Variants in HCN4 observed in about 807,000 individuals in gnomAD.
HCN4 encodes the protein hyperpolarization activated cyclic nucleotide gated potassium channel 4, also known as potassium/sodium hyperpolarization-activated cyclic nucleotide-gated channel 4.
In HCN4, 29 loss-of-function variants were observed where a neutral mutation model predicts 76.9. The ratio of observed to expected loss-of-function variants is 0.38; its 90% CI spans 0.28 to 0.51. HCN4 has a LOEUF of 0.51. Ranked by LOEUF, HCN4 falls within the 20% of genes least tolerant of loss-of-function variation. The pLI, the probability that HCN4 is intolerant of heterozygous loss-of-function variation, is 0.90. For missense variants in HCN4, 1,416 were observed against 1,715.2 expected (o/e 0.83, Z 3.08); for synonymous variants, 772 against 762.5 (o/e 1.01, Z -0.21).
Position 73,325,244 on chromosome 15 carries a change from C to T in HCN4, c.1738-49G>A. On this transcript the variant is annotated intron_variant, in intron 5 of 7. Coordinates refer to ENST00000261917, the MANE Select transcript of HCN4 (RefSeq NM_005477.3). The surrounding 1 kb of genome is among the most constrained non-coding windows in gnomAD (Gnocchi z 7.4). ...CACGGGAAGGAGGTGGTGAGGGGAGCTGGCTGCCAGGAAGGCCTGGCTCCC... is the reference window on the plus strand; with the variant it reads ...CACGGGAAGGAGGTGGTGAGGGGAGTTGGCTGCCAGGAAGGCCTGGCTCCC... 1 of 1,614,136 alleles carries T rather than the reference C, an allele frequency of 6.2e-7. No homozygotes were observed. Among genetic ancestry groups the T allele is most frequent in the African/African-American group, 1.3e-5 (1 of 75,058 alleles).
chr15:73,341,801 A>C (rs1001245198), intron 2 of HCN4, among the ~76,000 whole-genome samples: 1 of 152,196 alleles, frequency 6.6e-6, no homozygotes, highest in Non-Finnish European at 1.5e-5. Context: ...TCTGCCATGG[A>C]GGGACGCTGC....
intron 3 of HCN4, among the ~76,000 whole-genome samples, chr15:73,331,403 G>A (rs1003315628): frequency 6.6e-6 from 1 of 152,214 alleles, no homozygotes; most frequent in African/African-American, 2.4e-5. Flanking sequence ...CATATGACCT[G>A]GGAGTCTGCG....
chr15:73,367,759 G>T lies in HCN4; in HGVS notation c.512C>A (p.Pro171Gln), dbSNP rs1339319886. ...PAASPPPPQQPPQPASASCEQ... is the reference protein window; with the variant it reads ...PAASPPPPQQQPQPASASCEQ... ...GCAGGAGGCGGAGGCCGGCTGCGGT[G>T]GCTGCTGGGGCGGCGGCGGCGAGGC... is the stretch of plus-strand genomic sequence containing the variant. Residue 171 changes from proline to glutamine, a missense_variant, in exon 1 of 8, where the codon CCA becomes CAA. Pro to Gln is a moderately conservative substitution (Grantham distance 76, BLOSUM62 -1). Around this residue, in one of 6 missense-constraint regions of HCN4, gnomAD observed 355 missense variants for 347.8 expected, o/e 1.02. Coordinates refer to ENST00000261917, the MANE Select transcript of HCN4 (RefSeq NM_005477.3). This position sits in a 1 kb window ranked among gnomAD's most constrained non-coding sequence, Gnocchi z 7.5. 1.3e-6 allele frequency: 2 copies of T among 1,530,844 alleles called. No homozygotes were observed. The highest frequency in any genetic ancestry group is 2.5e-5 in the East Asian group (1 of 40,150). 94.8% of individuals were successfully genotyped at this position (1,530,844 alleles called of 1,614,324 possible).
chr15:73,350,466 T>C (rs1303095771), intron 1 of HCN4, among the ~76,000 whole-genome samples: 1 of 152,194 alleles, frequency 6.6e-6, no homozygotes, highest in Non-Finnish European at 1.5e-5. Flanking sequence ...CTCTGTCCCC[T>C]GATCCTTCCA....
intron 2 of HCN4, among the ~76,000 whole-genome samples, chr15:73,338,658 G>A (rs750921516): frequency 1.3e-5 from 2 of 152,188 alleles, no homozygotes; most frequent in Non-Finnish European, 2.9e-5. Flanking sequence ...GAAATTGGAG[G>A]TCTGGCTGCT....
chr15:73,323,072 CACAAGGG>C lies in HCN4; in HGVS notation c.3014_3020del (p.Ser1005TrpfsTer11), dbSNP rs2042872758. ...GGGAAGCCCCCCCAGAGGCCCCTGC[CACAAGGG>C]ACGGCGGCTCAGGCTGCCGTGGGGG... On this transcript the variant is annotated frameshift_variant, in exon 8 of 8. Coordinates refer to ENST00000261917, the MANE Select transcript of HCN4 (RefSeq NM_005477.3). LOFTEE classifies it high-confidence loss of function. The C allele has an allele frequency of 6.4e-7, 1 of 1,558,982 alleles. No individual in the cohort carries two copies. The highest frequency in any genetic ancestry group is 8.6e-7 in the Non-Finnish European group (1 of 1,156,906).
chr15:73,330,151 C>A (rs1004487413), intron 3 of HCN4, among the ~76,000 whole-genome samples: 1 of 152,228 alleles, frequency 6.6e-6, no homozygotes, highest in African/African-American at 2.4e-5. Flanking sequence ...GCTCCACCCC[C>A]CAACCCCCTA....
chr15:73,333,473 T>C (rs910661666), intron 2 of HCN4, among the ~76,000 whole-genome samples: 1 of 152,304 alleles, frequency 6.6e-6, no homozygotes, highest in East Asian at 1.9e-4. Context: ...AGCCTAGATA[T>C]GTCAGCCCCT....
chr15:73,358,183 T>TG (rs1367150720), intron 1 of HCN4, among the ~76,000 whole-genome samples: 1 of 152,092 alleles, frequency 6.6e-6, no homozygotes, highest in Non-Finnish European at 1.5e-5. Flanking sequence ...CCCAGGGCTC[T>TG]GGGGCGGGCC....
In HCN4 at chr15:73,322,802, C is replaced by T; in HGVS notation, c.3291G>A (p.Gly1097=). The T allele has an allele frequency of 6.5e-7, 1 of 1,542,108 alleles. No individual in the cohort carries two copies. The highest frequency in any genetic ancestry group is 1.3e-5 in the South Asian group (1 of 79,748). The change falls in exon 8 of 8, where the codon GGG becomes GGA. Residue 1097 remains glycine, a synonymous_variant. Transcript: ENST00000261917. ...GGGAGGCTCTGCGGAGAGTCTGCGC[C>T]CCGTCCTGAGGCAGGGCTGGCTGAG... ...SASQPALPQD[G]AQTLRRASPH...
Position 73,321,462 on chromosome 15 carries a change from G to C in HCN4, c.*1019C>G, listed in dbSNP as rs967314673. On this transcript the variant is annotated 3_prime_UTR_variant, in exon 8 of 8. Coordinates refer to ENST00000261917, the MANE Select transcript of HCN4 (RefSeq NM_005477.3). ...GGAGAATCAAAGTACCCACCCCATG[G>C]TCTTTGTGAAACTGAAGGAGTTAAT... is the stretch of plus-strand genomic sequence containing the variant. 6.6e-6 allele frequency: 1 copy of C among 152,396 alleles called. No individual in the cohort carries two copies. The highest frequency in any genetic ancestry group is 1.5e-5 in the Non-Finnish European group (1 of 68,050). The allele number at this position is 152,396 out of a possible 1,614,324, so 9.4% of individuals were successfully genotyped here.
In HCN4 at chr15:73,367,838, G is replaced by C. The variant is rs886043525; in HGVS notation, c.433C>G (p.Pro145Ala). 1.3e-5 allele frequency: 16 copies of C among 1,260,542 alleles called. No homozygotes were observed. The Middle Eastern group carries it at 1.8e-3, about 144-fold the overall frequency. The allele number at this position is 1,260,542 out of a possible 1,614,324, so 78.1% of individuals were successfully genotyped here. Residue 145 changes from proline to alanine, a missense_variant, in exon 1 of 8, where the codon CCC (proline) becomes GCC (alanine). Transcript: ENST00000261917. This position sits in a 1 kb window ranked among gnomAD's most constrained non-coding sequence, Gnocchi z 7.5. ...GDASPGEDRTPPGLAAEPERP... is the reference protein window; with the variant it reads ...GDASPGEDRTAPGLAAEPERP... The stretch of plus-strand genomic sequence containing the variant: ...TCGGGCTCGGCCGCCAGGCCTGGGG[G>C]CGTCCTGTCCTCGCCGGGGGACGCG...
chr15:73,330,148 C>A (rs965583407), intron 3 of HCN4, among the ~76,000 whole-genome samples: 2 of 152,340 alleles, frequency 1.3e-5, no homozygotes, highest in African/African-American at 2.4e-5. Flanking sequence ...ACAGCTCCAC[C>A]CCCCAACCCC....
chr15:73,324,061 T>C, intron 7 of HCN4, 28 bp downstream of exon 7: 5 of 1,234,282 alleles, frequency 4.1e-6, no homozygotes. Flanking sequence ...ACCCCCCACC[T>C]GCCCCGCCTG....
Position 73,340,771 on chromosome 15 carries a change from C to T in HCN4, c.1209+2614G>A, listed in dbSNP as rs144718235. Among the ~76,000 whole-genome samples the T allele has an allele frequency of 4.2e-3, 633 of 152,328 alleles. 2 individuals carry two copies. Among genetic ancestry groups the T allele is most frequent in the Non-Finnish European group, 6.7e-3 (458 of 68,032 alleles). On this transcript the variant is annotated intron_variant, in intron 2 of 7. Coordinates refer to ENST00000261917, the MANE Select transcript of HCN4 (RefSeq NM_005477.3). Reference sequence around the variant, plus strand: ...ACCCAGGCCAGCACAGGTGGGTGCCCGGCAAGCACTTGCTGGACTGAATGA... The same window carrying T: ...ACCCAGGCCAGCACAGGTGGGTGCCTGGCAAGCACTTGCTGGACTGAATGA...
Position 73,323,832 on chromosome 15 carries a change from T to C in HCN4, c.2261A>G (p.His754Arg), listed in dbSNP as rs762856084. The change falls in exon 8 of 8, where the codon CAC (histidine) becomes CGC (arginine). Residue 754 changes from histidine (H) to arginine (R), a missense_variant. Around this residue, in one of 6 missense-constraint regions of HCN4, gnomAD observed 241 missense variants for 379.4 expected, o/e 0.64. Coordinates refer to ENST00000261917, the MANE Select transcript of HCN4 (RefSeq NM_005477.3). ...AGCAGCCTGGACGCGGTGCGCGCAG[T>C]GGGCCATCTCCCGGTCATGCTGCAC... ...QIVQHDREMA[H>R]CAHRVQAAAS... 1.2e-6 allele frequency: 2 copies of C among 1,606,032 alleles called. No individual in the cohort carries two copies. The highest frequency in any genetic ancestry group is 1.1e-5 in the South Asian group (1 of 91,088).
chr15:73,344,528 A>G (rs1052067813), intron 1 of HCN4, among the ~76,000 whole-genome samples: 2 of 151,984 alleles, frequency 1.3e-5, no homozygotes, highest in African/African-American at 2.4e-5. Flanking sequence ...GCATCCTAAC[A>G]TGGGGGTGTG....
intron 1 of HCN4, among the ~76,000 whole-genome samples, chr15:73,351,817 C>G (rs1158044505): frequency 3.3e-5 from 5 of 152,206 alleles, no homozygotes; most frequent in African/African-American, 1.2e-4. Flanking sequence ...GCCTCCTTCT[C>G]CTGCCTTGAT....
chr15:73,327,679 G>A (rs547470411), intron 4 of HCN4, among the ~76,000 whole-genome samples: 2 of 152,052 alleles, frequency 1.3e-5, no homozygotes, highest in East Asian at 1.9e-4. Flanking sequence ...ACCTCCCTAG[G>A]AGGTAGAGAA....
Sources: gnomAD v4.1 joint callset for allele counts (sites outside exome capture counted in the v4.1 genomes callset) on GRCh38, gnomAD v4.1.1 for gene constraint, gnomAD v4.1.1 regional missense constraint, Gnocchi (gnomAD v3.1) non-coding constraint, MANE v1.5 for transcripts, NCBI Gene and HGNC (gene_info 2026-07-23, HGNC 2026-07-21) for gene names.